TCF4: variants seen among roughly 807,000 people sequenced by gnomAD.
The protein encoded by TCF4 is SL3-3 enhancer factor 2.
In TCF4, 3 loss-of-function variants were observed where a neutral mutation model predicts 82.1. That is an observed-to-expected ratio of 0.04 (90% CI 0.02 to 0.09). The LOEUF (loss-of-function observed/expected upper bound fraction) is 0.09. Among genes scored for constraint, TCF4 ranks in the 10% least tolerant of loss-of-function variants. The probability of loss-of-function intolerance (pLI) is 1.00; values close to 1 mark genes in which losing one functional copy is unlikely to be tolerated. For missense variants in TCF4, 518 were observed against 852.7 expected (o/e 0.61, Z 4.89); for synonymous variants, 276 against 309.6 (o/e 0.89, Z 1.14).
intron 14 of TCF4, among the ~76,000 whole-genome samples, chr18:55,256,578 TAA>T (rs2056900853): frequency 6.6e-6 from 1 of 152,154 alleles, no homozygotes; most frequent in Non-Finnish European, 1.5e-5. Context: ...AGCAGATAGA[TAA>T]ATCTATGTCT....
At chr18:55,604,647 G>A (rs764058546) in intron 2 of TCF4, among the ~76,000 whole-genome samples, 1 of 152,176 alleles carries the variant, frequency 6.6e-6, no homozygotes, top group Admixed American at 6.5e-5. Context: ...AAGGGGACAA[G>A]GAAAACCTCC....
chr18:55,288,210 C>T (rs889391869), intron 8 of TCF4, among the ~76,000 whole-genome samples: 4 of 151,972 alleles, frequency 2.6e-5, no homozygotes, highest in South Asian at 2.1e-4. Flanking sequence ...ACTGAATTCC[C>T]GCAGCCATCC....
intron 6 of TCF4, among the ~76,000 whole-genome samples, chr18:55,359,056 G>A (rs2084363540): frequency 6.6e-6 from 1 of 152,198 alleles, no homozygotes; most frequent in Non-Finnish European, 1.5e-5. Context: ...ATGATGTGAT[G>A]TATGGTATAT....
At chr18:55,261,279 A>C (rs965819820) in intron 12 of TCF4, 187 bp downstream of exon 12, 4 of 698,472 alleles carry the variant, frequency 5.7e-6, no homozygotes, top group Non-Finnish European at 1.0e-5. Flanking sequence ...GATGAGAGAA[A>C]GAGACTATAT....
intron 6 of TCF4, among the ~76,000 whole-genome samples, chr18:55,365,237 A>G (rs1483839810): frequency 1.5e-5 from 2 of 134,588 alleles, no homozygotes; most frequent in African/African-American, 3.0e-5. Context: ...GTGTGTGTAT[A>G]TATATGTGTG....
chr18:55,411,868 G>C (rs1009456366), intron 5 of TCF4, among the ~76,000 whole-genome samples: 1 of 152,008 alleles, frequency 6.6e-6, no homozygotes, highest in Non-Finnish European at 1.5e-5. Flanking sequence ...AGCCTCCCGA[G>C]TAGCTGGGAT....
intron 3 of TCF4, among the ~76,000 whole-genome samples, chr18:55,477,270 T>C (rs1054227949): frequency 1.3e-5 from 2 of 152,210 alleles, no homozygotes; most frequent in Non-Finnish European, 2.9e-5. Flanking sequence ...TAAAATCATT[T>C]TTCAAAAGAG....
At chr18:55,309,519 A>T (rs2071577651) in intron 8 of TCF4, among the ~76,000 whole-genome samples, 1 of 152,224 alleles carries the variant, frequency 6.6e-6, no homozygotes, top group East Asian at 1.9e-4. Context: ...TGCATCACCT[A>T]TCTTACTGAG....
chr18:55,463,977 T>TGTGTGAGAGA (rs867214369), intron 4 of TCF4, 99 bp downstream of exon 4: 9 of 303,724 alleles, frequency 3.0e-5, no homozygotes, highest in South Asian at 4.9e-5. Context: ...TGTGTGTGTG[T>TGTGTGAGAGA]GAGAGAGAGA....
At chr18:55,301,197 C>T (rs1198838080) in intron 8 of TCF4, among the ~76,000 whole-genome samples, 1 of 152,128 alleles carries the variant, frequency 6.6e-6, no homozygotes, top group African/African-American at 2.4e-5. Context: ...TTTTGCATCC[C>T]ATTGTTCTCA....
chr18:55,590,657 AG>A (rs1389660683), upstream of TCF4, among the ~76,000 whole-genome samples: 1 of 152,210 alleles, frequency 6.6e-6, no homozygotes. Flanking sequence ...CCGCTAACCT[AG>A]CCAATGGAAT....
Position 55,585,724 on chromosome 18 carries a change from C to A in TCF4, c.73-372G>T, listed in dbSNP as rs905235395. 74 of 1,089,070 alleles carry A rather than the reference C, an allele frequency of 6.8e-5. No homozygotes were observed. The East Asian group carries it at 9.6e-4, about 14-fold the overall frequency. 67.5% of individuals were successfully genotyped at this position (1,089,070 alleles called of 1,614,324 possible). ...AGTTGTTTTGTTTTATATTGAAAACCTTGGCCATAAACGTGGCAATGTCCA... is the reference window on the plus strand; with the variant it reads ...AGTTGTTTTGTTTTATATTGAAAACATTGGCCATAAACGTGGCAATGTCCA... On this transcript the variant is annotated intron_variant, in intron 2 of 19. Coordinates refer to ENST00000354452, the MANE Select transcript of TCF4 (RefSeq NM_001083962.2).
chr18:55,304,160 G>T (rs1056559095), intron 8 of TCF4, among the ~76,000 whole-genome samples: 25 of 152,302 alleles, frequency 1.6e-4, no homozygotes, highest in Admixed American at 3.3e-4. Flanking sequence ...GTGAATGGCG[G>T]AAGTTGTGAA....
intron 5 of TCF4, among the ~76,000 whole-genome samples, chr18:55,450,156 C>T (rs1266004222): frequency 6.6e-6 from 1 of 152,102 alleles, no homozygotes; most frequent in African/African-American, 2.4e-5. Flanking sequence ...ACAGCAATGC[C>T]CAGCTGACCA....
Position 55,222,346 on chromosome 18 carries a change from T to C in TCF4, c.*5689A>G, listed in dbSNP as rs570348484. On this transcript the variant is annotated 3_prime_UTR_variant, in exon 20 of 20. Coordinates refer to ENST00000354452, the MANE Select transcript of TCF4 (RefSeq NM_001083962.2). ...CTAAAAGACTAAATGCTTGTGGCTC[T>C]TTTATATATATTTAAAACACACAGT... 1.3e-4 allele frequency: 20 copies of C among 152,320 alleles called. No homozygotes were observed. The East Asian group carries it at 3.9e-3, about 29-fold the overall frequency. The allele number at this position is 152,320 out of a possible 1,614,324, so 9.4% of individuals were successfully genotyped here. A position where few individuals can be genotyped will look rare whatever the true frequency, so the allele number is the denominator to read the frequency against.
At chr18:55,481,695 T>C (rs1227497093) in intron 3 of TCF4, among the ~76,000 whole-genome samples, 1 of 152,272 alleles carries the variant, frequency 6.6e-6, no homozygotes, top group African/African-American at 2.4e-5. Flanking sequence ...TCTCTACTCA[T>C]GTAACTCTCC....
chr18:55,242,480 T>C (rs998008036), intron 15 of TCF4, among the ~76,000 whole-genome samples: 2 of 152,332 alleles, frequency 1.3e-5, no homozygotes, highest in African/African-American at 4.8e-5. Flanking sequence ...CAAATATACA[T>C]TTAGCATGTT....
intron 5 of TCF4, among the ~76,000 whole-genome samples, chr18:55,409,657 T>C (rs1228303702): frequency 6.6e-6 from 1 of 152,230 alleles, no homozygotes; most frequent in East Asian, 1.9e-4. Context: ...GGTTACTATA[T>C]ATTTGTAGTT....
intron 6 of TCF4, among the ~76,000 whole-genome samples, chr18:55,362,151 A>G (rs1349949272): frequency 6.6e-6 from 1 of 152,032 alleles, no homozygotes; most frequent in Admixed American, 6.6e-5. Flanking sequence ...AGCTCTAGTC[A>G]AAAGAAAATG....
Sources: gnomAD v4.1 joint callset for allele counts (sites outside exome capture counted in the v4.1 genomes callset) on GRCh38, gnomAD v4.1.1 for gene constraint, MANE v1.5 for transcripts, NCBI Gene and HGNC (gene_info 2026-07-23, HGNC 2026-07-21) for gene names.